NAB2: variants seen among roughly 807,000 people sequenced by gnomAD.
NAB2 encodes the protein NGFI-A-binding protein 2.
NAB2 carries 9 observed loss-of-function variants against 44.2 expected under a neutral mutation model. The ratio of observed to expected loss-of-function variants is 0.20; its 90% CI spans 0.12 to 0.36. The LOEUF is 0.36. NAB2 is among the 10% of genes least tolerant of loss of function. The probability of loss-of-function intolerance (pLI) is 1.00; values close to 1 mark genes in which losing one functional copy is unlikely to be tolerated. For missense variants in NAB2, 514 were observed against 709.0 expected, an observed-to-expected ratio of 0.73 and a Z score of 3.12; for synonymous variants, 342 against 291.0, an observed-to-expected ratio of 1.18 and a Z score of -1.78.
intron 2 of NAB2, 188 bp downstream of exon 2, chr12:57,092,186 C>T (rs780327078): frequency 1.9e-5 from 21 of 1,126,224 alleles, no homozygotes; most frequent in Admixed American, 8.7e-5. Context: ...GAGGGGGAAG[C>T]AGAGATACAG....
At chr12:57,094,556 C>G in intron 6 of NAB2, 56 bp from the exon 7 acceptor site, 2 of 1,409,644 alleles carry the variant, frequency 1.4e-6, no homozygotes, top group Non-Finnish European at 2.0e-6. Context: ...TTCCCAACCA[C>G]CTCTGTCTGC....
intron 6 of NAB2, among the ~76,000 whole-genome samples, chr12:57,093,897 A>G (rs2033261596): frequency 6.6e-6 from 1 of 152,118 alleles, no homozygotes; most frequent in Non-Finnish European, 1.5e-5. Context: ...GGAAGCTCAG[A>G]TGGCACTTCC....
intron 4 of NAB2, 22 bp downstream of exon 4, chr12:57,092,990 TA>T: frequency 6.2e-7 from 1 of 1,614,116 alleles, no homozygotes; most frequent in Non-Finnish European, 8.5e-7. Flanking sequence ...GGGGTGCATA[TA>T]GGGGCACTGG....
In NAB2 at chr12:57,095,009, C is replaced by G. The variant is rs3024984; in HGVS notation, c.*288C>G. On this transcript the variant is annotated 3_prime_UTR_variant, in exon 7 of 7. Coordinates refer to ENST00000300131, the MANE Select transcript of NAB2 (RefSeq NM_005967.4). ...GGGTTTTCCCCTCCCTCACACAACA[C>G]ACTCCCATTCTCTTTAGGTTTGCAC... 2.2e-3 allele frequency: 970 copies of G among 436,034 alleles called. 7 individuals carry two copies. The highest frequency in any genetic ancestry group is 3.5e-3 in the Non-Finnish European group (843 of 241,342). The allele number at this position is 436,034 out of a possible 1,614,324, so 27.0% of individuals were successfully genotyped here. A position where few individuals can be genotyped will look rare whatever the true frequency, so the allele number is the denominator to read the frequency against.
At chr12:57,093,744 C>A in intron 6 of NAB2, 146 bp downstream of exon 6, 1 of 886,240 alleles carries the variant, frequency 1.1e-6, no homozygotes, top group Non-Finnish European at 1.6e-6. Context: ...CCAGCCAGGC[C>A]TTGGGGTGCA....
intron 1 of NAB2, among the ~76,000 whole-genome samples, chr12:57,089,595 C>T (rs1243876422): frequency 6.6e-6 from 1 of 152,042 alleles, no homozygotes; most frequent in Non-Finnish European, 1.5e-5. Flanking sequence ...ACTCTGTGGG[C>T]TCCATCTGGC....
chr12:57,092,858 T>C (rs2033221473), intron 3 of NAB2, 59 bp from the exon 4 acceptor site: 4 of 1,593,232 alleles, frequency 2.5e-6, no homozygotes, highest in Non-Finnish European at 3.4e-6. Context: ...GGTTCTGTGC[T>C]CTGCCAGTCG....
chr12:57,092,630 G>C lies in NAB2; in HGVS notation c.1091+49G>C, dbSNP rs917053081. 5 of 1,603,108 alleles carry C rather than the reference G, an allele frequency of 3.1e-6. No homozygotes were observed. In the African/African-American group the frequency reaches 5.4e-5, roughly 17 times the overall value. ...TCCTGGACTGGAATCCTGCTATGGA[G>C]TTAGATCATGTCCTAACCTTCAGCT... On this transcript the variant is annotated intron_variant, in intron 3 of 6. Transcript: ENST00000300131.
chr12:57,090,337 A>G (rs1468959495), intron 1 of NAB2, among the ~76,000 whole-genome samples: 1 of 152,102 alleles, frequency 6.6e-6, no homozygotes, highest in East Asian at 1.9e-4. Flanking sequence ...TACAAAAATT[A>G]GCCGGGCATG....
At position 57,093,389 on chromosome 12, in the gene NAB2, C is replaced by G; in HGVS notation, c.1277-18C>G. On this transcript the variant is annotated intron_variant, in intron 5 of 6. Coordinates refer to ENST00000300131, the MANE Select transcript of NAB2 (RefSeq NM_005967.4). ...CATTGGCTGCAGCCCCTTACCTGAC[C>G]AGTGCCCATGCCCACAGCTGTGGGG... The G allele has an allele frequency of 1.9e-6, 3 of 1,539,234 alleles. No homozygotes were observed. In the South Asian group the frequency reaches 3.8e-5, roughly 19 times the overall value.
intron 6 of NAB2, 102 bp downstream of exon 6, chr12:57,093,700 C>T (rs1019003093): frequency 1.9e-5 from 24 of 1,242,698 alleles, no homozygotes; most frequent in East Asian, 2.8e-5. Context: ...GGGATATAGT[C>T]GTCAGAGAGG....
At chr12:57,093,320 C>T in intron 5 of NAB2, 87 bp from the exon 6 acceptor site, 2 of 1,459,912 alleles carry the variant, frequency 1.4e-6, no homozygotes, top group South Asian at 1.4e-5. Context: ...GGAGGGGGGG[C>T]AGAAGGGCCT....
chr12:57,094,424 G>A (rs979474605), intron 6 of NAB2, among the ~76,000 whole-genome samples, 188 bp from the exon 7 acceptor site: 3 of 152,046 alleles, frequency 2.0e-5, no homozygotes, highest in Admixed American at 6.5e-5. Flanking sequence ...CACAGCCAGG[G>A]AGGGGAGGGG....
At chr12:57,092,105 A>G in intron 2 of NAB2, 107 bp downstream of exon 2, 10 of 1,463,934 alleles carry the variant, frequency 6.8e-6, no homozygotes, top group Non-Finnish European at 9.0e-6. Flanking sequence ...TCTCTTGACC[A>G]GGACCCCAGG....
chr12:57,092,178 G>C (rs2033205468), intron 2 of NAB2, 180 bp downstream of exon 2: 1 of 1,182,194 alleles, frequency 8.5e-7, no homozygotes, highest in Non-Finnish European at 1.1e-6. Context: ...CCTCAGCTGA[G>C]GGGGAAGCAG....
At chr12:57,090,682 A>G (rs1187537923) in intron 1 of NAB2, among the ~76,000 whole-genome samples, 5 of 152,140 alleles carry the variant, frequency 3.3e-5, no homozygotes, top group Admixed American at 6.5e-5. Flanking sequence ...GGGCTCCTAC[A>G]TTCACTTTAG....
At chr12:57,092,076 C>T (rs552913414) in intron 2 of NAB2, 78 bp downstream of exon 2, 1 of 1,517,198 alleles carries the variant, frequency 6.6e-7, no homozygotes, top group African/African-American at 1.4e-5. Context: ...TTTCTACAGT[C>T]TCCGACTATC....
chr12:57,093,052 G>A lies in NAB2; in HGVS notation c.1144-11G>A. 6.2e-7 allele frequency: 1 copy of A among 1,613,736 alleles called. No individual in the cohort carries two copies. Among genetic ancestry groups the A allele is most frequent in the Non-Finnish European group, 8.5e-7 (1 of 1,179,786 alleles). ...GGCAGGTCTTCATTTCCCCATGTTG[G>A]GCATCCACAGGTTGGAGAACAGAGT... is the stretch of plus-strand genomic sequence containing the variant. On this transcript the variant is annotated splice_polypyrimidine_tract_variant and intron_variant, in intron 4 of 6. Transcript: ENST00000300131.
chr12:57,093,632 C>T (rs779551359), intron 6 of NAB2, 34 bp downstream of exon 6: 8 of 1,456,022 alleles, frequency 5.5e-6, no homozygotes, highest in Non-Finnish European at 7.2e-6. Flanking sequence ...CCCAAGCACC[C>T]CGGCCACTCA....
Sources: allele counts gnomAD v4.1 joint callset (sites outside exome capture counted in the v4.1 genomes callset), GRCh38; gene constraint gnomAD v4.1.1; transcripts MANE v1.5; gene names NCBI Gene and HGNC (gene_info 2026-07-23, HGNC 2026-07-21).